MRTFB: variants seen among roughly 807,000 people sequenced by gnomAD.
MRTFB encodes myocardin related transcription factor B.
A neutral mutation model predicts 104.2 loss-of-function variants in MRTFB; 29 were observed. That is an observed-to-expected ratio of 0.28 (90% CI 0.21 to 0.38). The LOEUF (loss-of-function observed/expected upper bound fraction) is 0.38, where lower values mean the gene tolerates loss of function less well. Ranked by LOEUF, MRTFB falls within the 10% of genes least tolerant of loss-of-function variation. The pLI is 1.00. For synonymous variants in MRTFB, 535 were observed against 519.5 expected, an observed-to-expected ratio of 1.03 and a Z score of -0.41; for missense variants, 1,270 against 1,341.6, an observed-to-expected ratio of 0.95 and a Z score of 0.83.
At chr16:14,244,175 C>G (rs947139629) in intron 10 of MRTFB, among the ~76,000 whole-genome samples, 1 of 152,172 alleles carries the variant, frequency 6.6e-6, no homozygotes, top group Non-Finnish European at 1.5e-5. Flanking sequence ...TTCATATACA[C>G]GCAATCTTAC....
the MRTFB span, among the ~76,000 whole-genome samples, chr16:14,049,365 CATAA>C: frequency 6.6e-6 from 1 of 152,180 alleles, no homozygotes. Flanking sequence ...ATAATTGAAA[CATAA>C]ATACTCAGAA....
intron 2 of MRTFB, among the ~76,000 whole-genome samples, chr16:14,127,051 C>T (rs1216595949): frequency 1.3e-5 from 2 of 152,130 alleles, no homozygotes; most frequent in Non-Finnish European, 2.9e-5. Context: ...ACTCATTTTT[C>T]AAAGAGGCTT....
intron 2 of MRTFB, among the ~76,000 whole-genome samples, chr16:14,132,024 C>G (rs903436700): frequency 3.3e-5 from 5 of 152,118 alleles, no homozygotes; most frequent in Non-Finnish European, 5.9e-5. Flanking sequence ...TGGAAACAAT[C>G]CAAAGTCCAT....
At chr16:14,018,891 A>T in the MRTFB span, 1 of 152,178 alleles carries the variant, frequency 6.6e-6, no homozygotes, top group African/African-American at 2.4e-5. Context: ...GCCTTCATTT[A>T]CTTGCTTTAT....
the MRTFB span, among the ~76,000 whole-genome samples, chr16:14,004,795 C>T: frequency 1.3e-5 from 2 of 152,256 alleles, no homozygotes; most frequent in African/African-American, 4.8e-5. Flanking sequence ...GGGTTCTGTT[C>T]AGTCACTGGA....
intron 8 of MRTFB, among the ~76,000 whole-genome samples, chr16:14,227,951 TAA>T (rs369511525): frequency 8.9e-5 from 12 of 134,484 alleles, no homozygotes; most frequent in Admixed American, 7.4e-5. Flanking sequence ...CAGTCTATCT[TAA>T]AAAAAAAAAA....
At chr16:14,027,309 A>G in the MRTFB span, among the ~76,000 whole-genome samples, 1 of 152,358 alleles carries the variant, frequency 6.6e-6, no homozygotes, top group African/African-American at 2.4e-5. Context: ...GATTCCATTT[A>G]TATAATGTCT....
intron 13 of MRTFB, among the ~76,000 whole-genome samples, chr16:14,250,537 C>T (rs1377767742): frequency 1.3e-5 from 2 of 152,150 alleles, no homozygotes; most frequent in Admixed American, 1.3e-4. Flanking sequence ...TGGGGCCTTG[C>T]TTGTATTTGA....
At chr16:14,006,694 G>A in the MRTFB span, among the ~76,000 whole-genome samples, 1 of 150,158 alleles carries the variant, frequency 6.7e-6, no homozygotes, top group African/African-American at 2.5e-5. Context: ...TATGTTGTAT[G>A]TATCCATATG....
At chr16:14,030,173 G>A in the MRTFB span, among the ~76,000 whole-genome samples, 1 of 152,258 alleles carries the variant, frequency 6.6e-6, no homozygotes, top group East Asian at 1.9e-4. Flanking sequence ...GAAGACACAG[G>A]TCTTAGGAGT....
the MRTFB span, among the ~76,000 whole-genome samples, chr16:14,011,739 G>C: frequency 6.6e-6 from 1 of 152,134 alleles, no homozygotes; most frequent in East Asian, 1.9e-4. Flanking sequence ...GGGCGTGGTG[G>C]TGGGCGCCTG....
chr16:14,099,592 A>G (rs1321303195), intron 2 of MRTFB, among the ~76,000 whole-genome samples: 8 of 151,200 alleles, frequency 5.3e-5, no homozygotes, highest in Non-Finnish European at 7.4e-5. Context: ...CAAGTGATCT[A>G]TCTACCTCGG....
intron 6 of MRTFB, among the ~76,000 whole-genome samples, chr16:14,215,990 C>T (rs1356178338): frequency 6.6e-6 from 1 of 152,136 alleles, no homozygotes; most frequent in Non-Finnish European, 1.5e-5. Flanking sequence ...TTTAAGTTTC[C>T]AAGAAATAAA....
chr16:14,027,316 GT>G, the MRTFB span, among the ~76,000 whole-genome samples: 39 of 152,174 alleles, frequency 2.6e-4, no homozygotes, highest in Non-Finnish European at 4.0e-4. Flanking sequence ...TTTATATAAT[GT>G]CTTCAAACAA....
intron 2 of MRTFB, among the ~76,000 whole-genome samples, chr16:14,111,166 A>G (rs1007320082): frequency 3.3e-5 from 5 of 152,184 alleles, no homozygotes; most frequent in African/African-American, 9.7e-5. Context: ...GTAAAAAGAG[A>G]TAGGATAACT....
chr16:14,032,837 A>G, the MRTFB span, among the ~76,000 whole-genome samples: 2 of 152,090 alleles, frequency 1.3e-5, no homozygotes, highest in Admixed American at 1.3e-4. Flanking sequence ...TGGTGTCAAA[A>G]GTGAGACATG....
At chr16:14,057,646 G>T in the MRTFB span, among the ~76,000 whole-genome samples, 78 of 152,174 alleles carry the variant, frequency 5.1e-4, no homozygotes, top group African/African-American at 1.9e-3. Context: ...AATACTTTGG[G>T]TGTGGAGGAA....
intron 8 of MRTFB, among the ~76,000 whole-genome samples, chr16:14,230,799 C>T (rs1170206713): frequency 2.0e-5 from 3 of 151,946 alleles, no homozygotes; most frequent in Non-Finnish European, 2.9e-5. Context: ...ACCCAAAGGA[C>T]TATAAATCAT....
chr16:14,121,368 CACTTCT>C (rs1216236185), intron 2 of MRTFB, among the ~76,000 whole-genome samples: 1 of 152,074 alleles, frequency 6.6e-6, no homozygotes, highest in Non-Finnish European at 1.5e-5. Context: ...TTCTGTCAAC[CACTTCT>C]GCTTCTGCTG....
Sources: allele counts gnomAD v4.1 joint callset (sites outside exome capture counted in the v4.1 genomes callset), GRCh38; gene constraint gnomAD v4.1.1; transcripts MANE v1.5; gene names NCBI Gene and HGNC (gene_info 2026-07-23, HGNC 2026-07-21).